The following ANGPT2 variants were observed in gnomAD, a reference collection of about 807,000 sequenced individuals.
The protein encoded by ANGPT2 is angiopoietin 2.
In ANGPT2, 28 loss-of-function variants were observed where a neutral mutation model predicts 62.9. That is an observed-to-expected ratio of 0.44 (90% CI 0.33 to 0.61). ANGPT2 has a LOEUF of 0.61. Ranked by LOEUF, ANGPT2 falls within the 20% of genes least tolerant of loss-of-function variation. ANGPT2 has a pLI of 0.03. For synonymous variants in ANGPT2, 284 were observed against 207.8 expected, an observed-to-expected ratio of 1.37 and a Z score of -3.15; for missense variants, 727 against 594.9, an observed-to-expected ratio of 1.22 and a Z score of -2.31.
At chr8:6,519,454 C>T (rs988914582) in intron 5 of ANGPT2, among the ~76,000 whole-genome samples, 2 of 152,172 alleles carry the variant, frequency 1.3e-5, no homozygotes, top group African/African-American at 4.8e-5. Flanking sequence ...GACTTTGACA[C>T]AGCAGTAGAA....
At chr8:6,562,240 G>C (rs1190281692) in intron 1 of ANGPT2, among the ~76,000 whole-genome samples, 3 of 152,180 alleles carry the variant, frequency 2.0e-5, no homozygotes, top group Non-Finnish European at 2.9e-5. Flanking sequence ...CTCACGGGCT[G>C]CTGCGGCTCA....
chr8:6,513,951 ATTCC>A (rs1815715930), intron 6 of ANGPT2, 107 bp from the exon 7 acceptor site: 1 of 1,115,038 alleles, frequency 9.0e-7, no homozygotes, highest in African/African-American at 1.6e-5. Context: ...AATAGCAGAA[ATTCC>A]TTCTGGTGCT....
intron 8 of ANGPT2, among the ~76,000 whole-genome samples, chr8:6,504,317 C>CAAAAA (rs35379672): frequency 2.6e-4 from 22 of 85,780 alleles, no homozygotes; most frequent in Admixed American, 4.6e-4. Flanking sequence ...GACTCCAGCT[C>CAAAAA]AAAAAAAAAA....
chr8:6,528,142 C>T (rs913919335), intron 2 of ANGPT2, among the ~76,000 whole-genome samples: 1 of 152,270 alleles, frequency 6.6e-6, no homozygotes, highest in African/African-American at 2.4e-5. Flanking sequence ...AGGGATTCAC[C>T]TGCCTCGGCC....
intron 7 of ANGPT2, among the ~76,000 whole-genome samples, chr8:6,509,269 A>G (rs1814445254): frequency 6.6e-6 from 1 of 152,216 alleles, no homozygotes; most frequent in South Asian, 2.1e-4. Flanking sequence ...GGATGTTTTC[A>G]TGAAACCTTC....
chr8:6,514,768 T>A lies in ANGPT2; in HGVS notation c.938A>T (p.Asp313Val), dbSNP rs766866856. Residue 313 changes from aspartate (D) to valine (V), a missense_variant, in exon 6 of 9, where the codon GAC becomes GTC. Physicochemically the swap from Asp to Val is radical, Grantham distance 152 (BLOSUM62 -3). Transcript: ENST00000629816. ...NSTEEIKAYC[D>V]MEAGGGGWTI... ...CCACCCGCCTCCTCCAGCTTCCATG[T>A]CACAGTAGGCCTGCAAACAGGAATG... is the stretch of plus-strand genomic sequence containing the variant. 2 of 1,613,938 alleles carry A rather than the reference T, an allele frequency of 1.2e-6. No homozygotes were observed. The highest frequency in any genetic ancestry group is 1.7e-6 in the Non-Finnish European group (2 of 1,179,960).
Position 6,500,275 on chromosome 8 carries a change from GTATAAAGAT to G in ANGPT2, c.*2817_*2825del. Reference sequence around the variant, plus strand: ...CTGTTAATAGAAATAGAACTGATAGGTATAAAGATTATGGCTTGCTGGTGCTGTGATAAC... The same window carrying G: ...CTGTTAATAGAAATAGAACTGATAGGTATGGCTTGCTGGTGCTGTGATAAC... On this transcript the variant is annotated 3_prime_UTR_variant, in exon 9 of 9. Coordinates refer to ENST00000629816, the MANE Select transcript of ANGPT2 (RefSeq NM_001118887.2). The G allele has an allele frequency of 4.0e-6, 1 of 251,066 alleles. No homozygotes were observed. Among genetic ancestry groups the G allele is most frequent in the Non-Finnish European group, 7.9e-6 (1 of 126,576 alleles). 15.6% of individuals were successfully genotyped at this position (251,066 alleles called of 1,614,324 possible).
At chr8:6,535,947 C>G (rs554425414) in intron 1 of ANGPT2, among the ~76,000 whole-genome samples, 2 of 151,646 alleles carry the variant, frequency 1.3e-5, no homozygotes, top group Admixed American at 6.6e-5. Context: ...GTCTCAGGTA[C>G]TGGGGAGGCT....
chr8:6,511,463 A>G (rs1815079788), intron 7 of ANGPT2, among the ~76,000 whole-genome samples: 1 of 152,236 alleles, frequency 6.6e-6, no homozygotes, highest in Non-Finnish European at 1.5e-5. Context: ...TAGTTTCACT[A>G]GAAAGAATGA....
At chr8:6,560,948 C>T (rs953579920) in intron 1 of ANGPT2, among the ~76,000 whole-genome samples, 4 of 152,200 alleles carry the variant, frequency 2.6e-5, no homozygotes, top group African/African-American at 9.7e-5. Context: ...ACCTGCCTGT[C>T]GGGCAGATTA....
rs77011915 is a variant in ANGPT2, at chr8:6,537,461, A to C, written c.289-4974T>G. ...GCTGCTTAGTGTTATTTGATTTGCT[A>C]AAAGAGTTGCGCCCCAGACATAGTC... On this transcript the variant is annotated intron_variant, in intron 1 of 8. Transcript: ENST00000629816. Among the ~76,000 whole-genome samples the C allele has an allele frequency of 8.1e-3, 1,229 of 152,168 alleles. 17 individuals are homozygous for C. The highest frequency in any genetic ancestry group is 0.027 in the African/African-American group (1,106 of 41,508).
chr8:6,523,210 G>A (rs2922892), intron 3 of ANGPT2, among the ~76,000 whole-genome samples: 11,578 of 152,014 alleles, frequency 0.076, 525 homozygotes, highest in African/African-American at 0.12. Context: ...TGTTAGCCAG[G>A]GTGGTCTCGA....
At chr8:6,550,572 T>G (rs960920149) in intron 1 of ANGPT2, among the ~76,000 whole-genome samples, 1 of 152,248 alleles carries the variant, frequency 6.6e-6, no homozygotes, top group African/African-American at 2.4e-5. Context: ...AGGGGTGTGC[T>G]TCTGGTGTGA....
chr8:6,527,056 G>A (rs911419850), intron 3 of ANGPT2, among the ~76,000 whole-genome samples: 4 of 152,196 alleles, frequency 2.6e-5, no homozygotes, highest in East Asian at 1.9e-4. Flanking sequence ...ACCATTCTGC[G>A]TTGAGTGAAG....
chr8:6,539,029 T>TTG (rs34625219), intron 1 of ANGPT2, among the ~76,000 whole-genome samples: 62 of 151,516 alleles, frequency 4.1e-4, no homozygotes, highest in Admixed American at 1.5e-3. Flanking sequence ...AGAGTTGGGC[T>TTG]TGTGTGTGTG....
intron 8 of ANGPT2, among the ~76,000 whole-genome samples, chr8:6,504,284 C>G (rs182618623): frequency 2.0e-3 from 293 of 143,036 alleles, no homozygotes; most frequent in African/African-American, 7.1e-3. Context: ...CGCCACTGCA[C>G]TCCAGCCTGG....
At chr8:6,527,795 C>T in intron 2 of ANGPT2, 119 bp from the exon 3 acceptor site, 14 of 952,564 alleles carry the variant, frequency 1.5e-5, no homozygotes, top group East Asian at 2.8e-5. Flanking sequence ...TATTTATTAA[C>T]CCAAGTATCT....
Position 6,563,043 on chromosome 8 carries a change from G to A in ANGPT2, c.-109C>T, listed in dbSNP as rs1825799484. 1.6e-6 allele frequency: 2 copies of A among 1,255,928 alleles called. No homozygotes were observed. Among genetic ancestry groups the A allele is most frequent in the South Asian group, 1.6e-5 (1 of 64,272 alleles). 77.8% of individuals were successfully genotyped at this position (1,255,928 alleles called of 1,614,324 possible). On this transcript the variant is annotated 5_prime_UTR_variant, in exon 1 of 9. Coordinates refer to ENST00000629816, the MANE Select transcript of ANGPT2 (RefSeq NM_001118887.2). Reference sequence around the variant, plus strand: ...GCAGGGCTGCTACGCTGCCATGGCTGGGTCCGTCAATGAAAGTCTTCTCTT... The same window carrying A: ...GCAGGGCTGCTACGCTGCCATGGCTAGGTCCGTCAATGAAAGTCTTCTCTT...
intron 5 of ANGPT2, 146 bp from the exon 6 acceptor site, chr8:6,514,924 T>C (rs1290429252): frequency 6.5e-6 from 4 of 618,552 alleles, no homozygotes; most frequent in South Asian, 2.1e-5. Context: ...CCATCGGGGT[T>C]GTCTAAGAAA....
Sources: gnomAD v4.1 joint callset for allele counts (sites outside exome capture counted in the v4.1 genomes callset) on GRCh38, gnomAD v4.1.1 for gene constraint, MANE v1.5 for transcripts, NCBI Gene and HGNC (gene_info 2026-07-23, HGNC 2026-07-21) for gene names.